The following BCAR3 variants were observed in gnomAD, a reference collection of about 807,000 sequenced individuals.
BCAR3 encodes BCAR3 adaptor protein, NSP family member.
A neutral mutation model predicts 80.1 loss-of-function variants in BCAR3; 37 were observed. That is an observed-to-expected ratio of 0.46 (90% CI 0.36 to 0.61). The LOEUF is 0.61. Among genes scored for constraint, BCAR3 ranks in the 20% least tolerant of loss-of-function variants. The pLI, the probability that BCAR3 is intolerant of heterozygous loss-of-function variation, is 0.00. For synonymous variants in BCAR3, 389 were observed against 418.9 expected, an observed-to-expected ratio of 0.93 and a Z score of 0.87; for missense variants, 978 against 1,068.2, an observed-to-expected ratio of 0.92 and a Z score of 1.18.
chr1:93,676,461 G>A (rs1298688361), intron 1 of BCAR3, among the ~76,000 whole-genome samples: 1 of 152,158 alleles, frequency 6.6e-6, no homozygotes, highest in Admixed American at 6.5e-5. Flanking sequence ...CTCTGTCCTC[G>A]GTTCATTGTC....
At chr1:93,735,391 C>T (rs1571083278) in intron 2 of BCAR3, among the ~76,000 whole-genome samples, 1 of 152,216 alleles carries the variant, frequency 6.6e-6, no homozygotes, top group African/African-American at 2.4e-5. Flanking sequence ...CACTCAAAGC[C>T]GTGAGCTCTG....
chr1:93,589,423 T>G lies in BCAR3; in HGVS notation c.487-4A>C. 2 of 1,605,900 alleles carry G rather than the reference T, an allele frequency of 1.2e-6. No individual in the cohort carries two copies. Among genetic ancestry groups the G allele is most frequent in the Non-Finnish European group, 1.7e-6 (2 of 1,178,196 alleles). ...GCTGCACAAGGTTTTCAGACACCTT[T>G]GGGACAAAAAGGTGAGTGAGGAGTA... On this transcript the variant is annotated splice_polypyrimidine_tract_variant and splice_region_variant and intron_variant, in intron 4 of 11. Transcript: ENST00000260502.
intron 2 of BCAR3, among the ~76,000 whole-genome samples, chr1:93,755,486 A>G (rs1174362098): frequency 6.6e-6 from 1 of 152,218 alleles, no homozygotes; most frequent in African/African-American, 2.4e-5. Flanking sequence ...TTCTATGTTC[A>G]GACATGTTTA....
At chr1:93,833,043 C>A (rs898414268) in intron 2 of BCAR3, among the ~76,000 whole-genome samples, 1 of 152,106 alleles carries the variant, frequency 6.6e-6, no homozygotes, top group African/African-American at 2.4e-5. Context: ...AACTAGCCCC[C>A]AATATTTCAA....
rs753128616 is a variant in BCAR3 at position 93,589,228 on chromosome 1, G to A, written c.678C>T (p.Ser226=). The part of the protein sequence containing the change: ...QYQFEMESFD[S]IPGLVRCYVG... ...CGTAGCAGCGCACCAGGCCGGGGAT[G>A]GAGTCGAAGCTCTCCATCTCGAACT... The change falls in exon 5 of 12, where the codon TCC becomes TCT. Residue 226 remains serine (S), a synonymous_variant. Transcript: ENST00000260502. The A allele has an allele frequency of 6.2e-7, 1 of 1,614,062 alleles. No homozygotes were observed. The highest frequency in any genetic ancestry group is 2.2e-5 in the East Asian group (1 of 44,880).
intron 2 of BCAR3, among the ~76,000 whole-genome samples, chr1:93,729,746 G>C (rs921739369): frequency 6.6e-6 from 1 of 152,194 alleles, no homozygotes; most frequent in African/African-American, 2.4e-5. Context: ...CAACGTCTGG[G>C]ATGTCCTGGC....
At chr1:93,761,281 C>T (rs980962483) in intron 2 of BCAR3, among the ~76,000 whole-genome samples, 3 of 152,108 alleles carry the variant, frequency 2.0e-5, no homozygotes, top group African/African-American at 7.2e-5. Context: ...ACGTCCTGAG[C>T]CAGTTTTGTC....
At chr1:93,761,815 C>T (rs1651956881) in intron 2 of BCAR3, among the ~76,000 whole-genome samples, 1 of 152,184 alleles carries the variant, frequency 6.6e-6, no homozygotes, top group Admixed American at 6.5e-5. Flanking sequence ...ACCCCACTTG[C>T]CTACATGCCC....
intron 2 of BCAR3, among the ~76,000 whole-genome samples, chr1:93,776,150 C>G (rs1652538002): frequency 6.6e-6 from 1 of 152,122 alleles, no homozygotes; most frequent in East Asian, 1.9e-4. Flanking sequence ...AGGGAGGTAT[C>G]CTCAGCAGTA....
rs1655053852 is a variant in BCAR3, at chr1:93,843,985, T to C, written c.-63+1582A>G. ...AGAAGTATAGTCCATTTCCAGAGCT[T>C]CTGGGAAGGCCGAAATCACTAACCA... On this transcript the variant is annotated intron_variant, in intron 2 of 13. Coordinates refer to the BCAR3 transcript ENST00000370244. 2.6e-5 allele frequency among the ~76,000 whole-genome samples: 4 copies of C among 152,108 alleles called. No individual in the cohort carries two copies. In the South Asian group the frequency reaches 8.3e-4, roughly 32 times the overall value.
chr1:93,619,197 C>T (rs776282946), intron 3 of BCAR3, among the ~76,000 whole-genome samples: 35 of 151,456 alleles, frequency 2.3e-4, no homozygotes, highest in African/African-American at 8.3e-4. Context: ...CCGCCCACCT[C>T]GGCCTCCCAA....
chr1:93,584,862 C>T, intron 5 of BCAR3: 1 of 546,146 alleles, frequency 1.8e-6, no homozygotes, highest in Non-Finnish European at 2.3e-6. Context: ...CAGAATCTCC[C>T]TAGCTAGAGA....
rs115932818 is a variant in BCAR3 at position 93,589,020 on chromosome 1, C to T, written c.886G>A (p.Val296Ile). 4.6e-4 allele frequency: 739 copies of T among 1,599,896 alleles called. 3 individuals are homozygous for T. The African/African-American group carries it at 7.5e-3, about 16-fold the overall frequency. ...GGCAAATTCTGCTCTCGGGCCTGGA[C>T]GCCACCCATGGTGAGGCTCAGCCTC... ...AKRLSLTMGG[V>I]QAREQNLPRG... Residue 296 changes from valine (V) to isoleucine (I), a missense_variant, in exon 5 of 12, where the codon GTC becomes ATC. By Grantham distance (29) the Val-to-Ile change is conservative. Transcript: ENST00000260502.
intron 3 of BCAR3, among the ~76,000 whole-genome samples, chr1:93,701,330 C>T (rs973031999): frequency 6.6e-6 from 1 of 152,178 alleles, no homozygotes; most frequent in African/African-American, 2.4e-5. Context: ...CTCCTTCCAA[C>T]CCAAAACGTG....
At chr1:93,783,324 G>A (rs1289398192) in intron 2 of BCAR3, among the ~76,000 whole-genome samples, 4 of 152,104 alleles carry the variant, frequency 2.6e-5, no homozygotes, top group South Asian at 2.1e-4. Context: ...CAGTACCAAC[G>A]CTTCCTACTC....
At chr1:93,752,732 G>A (rs760927323) in intron 2 of BCAR3, among the ~76,000 whole-genome samples, 2 of 152,188 alleles carry the variant, frequency 1.3e-5, no homozygotes, top group African/African-American at 2.4e-5. Context: ...AAGGCAGGAC[G>A]TTGGCTTGAT....
At chr1:93,797,223 T>C (rs1459038332) in intron 2 of BCAR3, among the ~76,000 whole-genome samples, 2 of 152,222 alleles carry the variant, frequency 1.3e-5, no homozygotes, top group African/African-American at 4.8e-5. Context: ...GGCAGTTTGA[T>C]TCACCCATTT....
chr1:93,687,288 T>C (rs1649007890), intron 3 of BCAR3, among the ~76,000 whole-genome samples: 1 of 152,102 alleles, frequency 6.6e-6, no homozygotes. Context: ...CATCTAAACA[T>C]TTATTTTATT....
intron 2 of BCAR3, among the ~76,000 whole-genome samples, chr1:93,667,077 G>A (rs1333835783): frequency 1.3e-5 from 2 of 152,228 alleles, no homozygotes; most frequent in Admixed American, 1.3e-4. Flanking sequence ...TGGAGACTCA[G>A]AAAGGTAAAA....
Sources: allele counts gnomAD v4.1 joint callset (sites outside exome capture counted in the v4.1 genomes callset), GRCh38; gene constraint gnomAD v4.1.1; transcripts MANE v1.5; gene names NCBI Gene and HGNC (gene_info 2026-07-23, HGNC 2026-07-21).